The following ZNF891 variants were observed in gnomAD, a reference collection of about 807,000 sequenced individuals.
The protein encoded by ZNF891 is zinc finger protein 891, also known as hCG1646157.
For missense variants in ZNF891, 589 were observed against 632.7 expected, an observed-to-expected ratio of 0.93 and a Z score of 0.74; for synonymous variants, 199 against 209.0, an observed-to-expected ratio of 0.95 and a Z score of 0.41.
chr12:133,121,735 A>T lies in ZNF891; in HGVS notation c.184T>A (p.Ser62Thr). 1 of 1,536,806 alleles carries T rather than the reference A, an allele frequency of 6.5e-7. No individual in the cohort carries two copies. Among genetic ancestry groups the T allele is most frequent in the South Asian group, 1.2e-5 (1 of 84,062 alleles). Residue 62 changes from serine (S) to threonine (T), a missense_variant, in exon 2 of 2, where the codon TCT becomes ACT. Ser to Thr is a moderately conservative substitution (Grantham distance 58). Transcript: ENST00000537226. ...TCTCTGTACAGACTTCTTTGAGCAGAATCCAGCATCATCCACTCCTCCTGA... is the reference window on the plus strand; with the variant it reads ...TCTCTGTACAGACTTCTTTGAGCAGTATCCAGCATCATCCACTCCTCCTGA... Reference protein sequence around the residue: ...FTQEEWMMLDSAQRSLYRDVM... With the variant: ...FTQEEWMMLDTAQRSLYRDVM...
rs1491284199 is a variant in ZNF891 at position 133,113,079 on chromosome 12, T to TA, written c.*7204_*7205insT. The stretch of plus-strand genomic sequence containing the variant: ...GTCTCAAAAAATATATATATATATA[T>TA]TTATATTTATTTATTAAAAATATAT... On this transcript the variant is annotated 3_prime_UTR_variant, in exon 2 of 2. Transcript: ENST00000537226. 734 of 146,724 alleles carry TA rather than the reference T, an allele frequency of 5.0e-3. 7 individuals carry two copies. The highest frequency in any genetic ancestry group is 0.018 in the African/African-American group (701 of 40,038). The allele number at this position is 146,724 out of a possible 1,614,324, so 9.1% of individuals were successfully genotyped here.
intron 1 of ZNF891, among the ~76,000 whole-genome samples, chr12:133,128,019 T>C (rs1188423742): frequency 6.6e-6 from 1 of 152,168 alleles, no homozygotes; most frequent in East Asian, 1.9e-4. Context: ...TATCCAAAAT[T>C]TGTGGGAGAA....
rs901088989 is a variant in ZNF891, at chr12:133,113,909, G to A, written c.*6375C>T. On this transcript the variant is annotated 3_prime_UTR_variant, in exon 2 of 2. Coordinates refer to ENST00000537226, the MANE Select transcript of ZNF891 (RefSeq NM_001277291.2). ...AATTTTTTTTTTTTGGTAGAGATGGGGTTTTGCCATGTTGCCTAGGCTGGT... is the reference window on the plus strand; with the variant it reads ...AATTTTTTTTTTTTGGTAGAGATGGAGTTTTGCCATGTTGCCTAGGCTGGT... 2.8e-4 allele frequency: 43 copies of A among 151,918 alleles called. No homozygotes were observed. The highest frequency in any genetic ancestry group is 1.0e-3 in the African/African-American group (42 of 41,350). 9.4% of individuals were successfully genotyped at this position (151,918 alleles called of 1,614,324 possible). A position where few individuals can be genotyped will look rare whatever the true frequency, so the allele number is the denominator to read the frequency against.
rs1199730950 is a variant in ZNF891 at position 133,107,218 on chromosome 12, C to A, written c.*13066G>T. On this transcript the variant is annotated 3_prime_UTR_variant, in exon 2 of 2. Transcript: ENST00000537226. ...AACTGTATAAATGAATGTAGAGTGA[C>A]TTTCTGCAATATTTCAAACCTATAT... 1 of 152,216 alleles carries A rather than the reference C, an allele frequency of 6.6e-6. No individual in the cohort carries two copies. Among genetic ancestry groups the A allele is most frequent in the African/African-American group, 2.4e-5 (1 of 41,448 alleles). The allele number at this position is 152,216 out of a possible 1,614,324, so 9.4% of individuals were successfully genotyped here. A position where few individuals can be genotyped will look rare whatever the true frequency, so the allele number is the denominator to read the frequency against.
rs1182908133 is a variant in ZNF891, at chr12:133,115,318, AGGAG to A, written c.*4962_*4965del. 6.9e-6 allele frequency: 1 copy of A among 145,078 alleles called. No individual in the cohort carries two copies. Among genetic ancestry groups the A allele is most frequent in the Non-Finnish European group, 1.5e-5 (1 of 66,816 alleles). 9.0% of individuals were successfully genotyped at this position (145,078 alleles called of 1,614,324 possible). A position where few individuals can be genotyped will look rare whatever the true frequency, so the allele number is the denominator to read the frequency against. On this transcript the variant is annotated 3_prime_UTR_variant, in exon 2 of 2. Coordinates refer to ENST00000537226, the MANE Select transcript of ZNF891 (RefSeq NM_001277291.2). ...TGAGGCAGGAGAATTGCTTGAACCC[AGGAG>A]GCAGAGGTTGCTGTGAGCCGAGAAC...
chr12:133,128,382 A>G (rs1955837438), intron 1 of ZNF891, among the ~76,000 whole-genome samples: 1 of 152,248 alleles, frequency 6.6e-6, no homozygotes, highest in Non-Finnish European at 1.5e-5. Flanking sequence ...CTGTAATCCT[A>G]GCACTTTGGG....
At position 133,121,826 on chromosome 12, in the gene ZNF891, A is replaced by G. The variant is rs1311787082; in HGVS notation, c.93T>C (p.Ile31=). The change falls in exon 2 of 2, where the codon ATT becomes ATC. Residue 31 remains isoleucine (I), a synonymous_variant. Transcript: ENST00000537226. ...GTAACCAGGTTGTCAGAAATACAGCAATCATCCTTTCCTCTTCAGCATTTC... is the reference window on the plus strand; with the variant it reads ...GTAACCAGGTTGTCAGAAATACAGCGATCATCCTTTCCTCTTCAGCATTTC... ...HLRNAEEERM[I]AVFLTTWLQE... 2 of 1,536,642 alleles carry G rather than the reference A, an allele frequency of 1.3e-6. No individual in the cohort carries two copies. The highest frequency in any genetic ancestry group is 1.7e-6 in the Non-Finnish European group (2 of 1,147,020).
rs773351365 is a variant in ZNF891 at position 133,120,200 on chromosome 12, G to A, written c.*84C>T. On this transcript the variant is annotated 3_prime_UTR_variant, in exon 2 of 2. Coordinates refer to ENST00000537226, the MANE Select transcript of ZNF891 (RefSeq NM_001277291.2). ...AAAGAGCCATTTGTAACCTTAAATC[G>A]TTCTTTTAGAGAACAAAGACTGAGA... 3.1e-5 allele frequency: 36 copies of A among 1,147,250 alleles called. No homozygotes were observed. The highest frequency in any genetic ancestry group is 1.2e-4 in the Admixed American group (4 of 33,982). The allele number at this position is 1,147,250 out of a possible 1,614,324, so 71.1% of individuals were successfully genotyped here. A position where few individuals can be genotyped will look rare whatever the true frequency, so the allele number is the denominator to read the frequency against.
intron 1 of ZNF891, among the ~76,000 whole-genome samples, chr12:133,124,075 C>T (rs1183101677): frequency 1.3e-5 from 2 of 152,052 alleles, no homozygotes; most frequent in East Asian, 3.9e-4. Context: ...TTTAAAATGC[C>T]TTACCCTATT....
At chr12:133,125,887 G>A in intron 1 of ZNF891, 1 of 500,822 alleles carries the variant, frequency 2.0e-6, no homozygotes. Flanking sequence ...GAGAGAAGAA[G>A]GCATATGTTT....
At position 133,120,950 on chromosome 12, in the gene ZNF891, A is replaced by G; in HGVS notation, c.969T>C (p.Asn323=). The part of the protein sequence containing the change: ...QTHTEKKHEC[N]QCGKAFKRIS... ...TCCTTTTGAAGGCTTTTCCACATTGATTGCATTCATGTTTCTTTTCAGTAT... is the reference window on the plus strand; with the variant it reads ...TCCTTTTGAAGGCTTTTCCACATTGGTTGCATTCATGTTTCTTTTCAGTAT... The change falls in exon 2 of 2, where the codon AAT becomes AAC. Residue 323 remains asparagine (N), a synonymous_variant. Transcript: ENST00000537226. 1 of 1,535,972 alleles carries G rather than the reference A, an allele frequency of 6.5e-7. No individual in the cohort carries two copies. The highest frequency in any genetic ancestry group is 8.7e-7 in the Non-Finnish European group (1 of 1,146,826).
In ZNF891 at chr12:133,120,256, G is replaced by A. The variant is rs1955741730; in HGVS notation, c.*28C>T. 2.0e-6 allele frequency: 3 copies of A among 1,491,480 alleles called. No individual in the cohort carries two copies. The highest frequency in any genetic ancestry group is 2.7e-6 in the Non-Finnish European group (3 of 1,119,964). 92.4% of individuals were successfully genotyped at this position (1,491,480 alleles called of 1,614,324 possible). A position where few individuals can be genotyped will look rare whatever the true frequency, so the allele number is the denominator to read the frequency against. ...AGCTTGGAATCCACCTTAAGACAAT[G>A]AAAACAGCAATTCCACATTCATAAC... On this transcript the variant is annotated 3_prime_UTR_variant, in exon 2 of 2. Coordinates refer to ENST00000537226, the MANE Select transcript of ZNF891 (RefSeq NM_001277291.2).
At chr12:133,125,301 C>T (rs1229623650) in intron 1 of ZNF891, among the ~76,000 whole-genome samples, 1 of 152,194 alleles carries the variant, frequency 6.6e-6, no homozygotes, top group East Asian at 1.9e-4. Context: ...CTCCCCACCC[C>T]ATCCCTTGGC....
Position 133,112,331 on chromosome 12 carries a change from T to C in ZNF891, c.*7953A>G, listed in dbSNP as rs1157076684. On this transcript the variant is annotated 3_prime_UTR_variant, in exon 2 of 2. Transcript: ENST00000537226. ...TTATTTTCTCATGGAGACCTTCTTT[T>C]TTTTTTTTGAGACACAGTCTTGCTC... 1 of 152,154 alleles carries C rather than the reference T, an allele frequency of 6.6e-6. No homozygotes were observed. Among genetic ancestry groups the C allele is most frequent in the African/African-American group, 2.4e-5 (1 of 41,404 alleles). 9.4% of individuals were successfully genotyped at this position (152,154 alleles called of 1,614,324 possible). A position where few individuals can be genotyped will look rare whatever the true frequency, so the allele number is the denominator to read the frequency against.
In ZNF891 at chr12:133,110,099, G is replaced by T. The variant is rs1955671649; in HGVS notation, c.*10185C>A. ...CCGTCTCAAAAAAAAAGAAAACCTA[G>T]AATATTTATTTACTCTCAGGACCTT... On this transcript the variant is annotated 3_prime_UTR_variant, in exon 2 of 2. Coordinates refer to ENST00000537226, the MANE Select transcript of ZNF891 (RefSeq NM_001277291.2). 6.6e-6 allele frequency: 1 copy of T among 152,092 alleles called. No homozygotes were observed. The highest frequency in any genetic ancestry group is 2.1e-4 in the South Asian group (1 of 4,824). 9.4% of individuals were successfully genotyped at this position (152,092 alleles called of 1,614,324 possible).
Position 133,120,146 on chromosome 12 carries a change from TAG to T in ZNF891, c.*136_*137del. The T allele has an allele frequency of 1.7e-6, 1 of 574,126 alleles. No homozygotes were observed. The highest frequency in any genetic ancestry group is 2.7e-6 in the Non-Finnish European group (1 of 364,056). The allele number at this position is 574,126 out of a possible 1,614,324, so 35.6% of individuals were successfully genotyped here. A position where few individuals can be genotyped will look rare whatever the true frequency, so the allele number is the denominator to read the frequency against. ...GCCATGGATCAAAAAAAGTCATAAT[TAG>T]TATTTACAGAAAATGTTATATTAAA... is the stretch of plus-strand genomic sequence containing the variant. On this transcript the variant is annotated 3_prime_UTR_variant, in exon 2 of 2. Transcript: ENST00000537226.
intron 1 of ZNF891, among the ~76,000 whole-genome samples, chr12:133,126,969 CTTTTTTTT>C (rs543463648): frequency 2.3e-5 from 2 of 88,672 alleles, no homozygotes; most frequent in Non-Finnish European, 2.1e-5. Context: ...TACAGGAAAA[CTTTTTTTT>C]TTTTTTTTTT....
rs1955657397 is a variant in ZNF891, at chr12:133,108,700, T to G, written c.*11584A>C. ...GCAGCCAACATTGAGAACGTTTACT[T>G]TGGAGCAATCTCCAATTAACCAAAG... On this transcript the variant is annotated 3_prime_UTR_variant, in exon 2 of 2. Transcript: ENST00000537226. 6.6e-6 allele frequency: 1 copy of G among 152,216 alleles called. No individual in the cohort carries two copies. The highest frequency in any genetic ancestry group is 1.5e-5 in the Non-Finnish European group (1 of 68,036). The allele number at this position is 152,216 out of a possible 1,614,324, so 9.4% of individuals were successfully genotyped here.
chr12:133,128,458 C>T (rs1221068541), intron 1 of ZNF891, among the ~76,000 whole-genome samples: 1 of 152,086 alleles, frequency 6.6e-6, no homozygotes, highest in Non-Finnish European at 1.5e-5. Flanking sequence ...ACCGTGAAAC[C>T]CCGTCTCTAC....
Sources: gnomAD v4.1 joint callset for allele counts (sites outside exome capture counted in the v4.1 genomes callset) on GRCh38, gnomAD v4.1.1 for gene constraint, MANE v1.5 for transcripts, NCBI Gene and HGNC (gene_info 2026-07-23, HGNC 2026-07-21) for gene names.